Variants in ESR1 observed in about 807,000 individuals in gnomAD.
ESR1 encodes the protein estrogen receptor.
In ESR1, 12 loss-of-function variants were observed where a neutral mutation model predicts 52.7. The observed-to-expected ratio is 0.23, with a 90% CI of 0.15 to 0.37. ESR1 has a LOEUF of 0.37. ESR1 is among the 10% of genes least tolerant of loss of function. The pLI is 1.00. For synonymous variants in ESR1, 305 were observed against 316.8 expected (o/e 0.96, Z 0.39); for missense variants, 584 against 779.7 (o/e 0.75, Z 2.99).
At chr6:151,962,347 T>C (rs2037761965) in intron 4 of ESR1, among the ~76,000 whole-genome samples, 1 of 152,116 alleles carries the variant, frequency 6.6e-6, no homozygotes, top group Admixed American at 6.5e-5. Context: ...GCCATCATAG[T>C]TCTGCCCCCT....
intron 5 of ESR1, among the ~76,000 whole-genome samples, chr6:152,017,954 C>A (rs1319842528): frequency 6.6e-6 from 1 of 152,026 alleles, no homozygotes; most frequent in African/African-American, 2.4e-5. Flanking sequence ...ACTATTCATC[C>A]ATTTGAAAAG....
At chr6:151,802,842 T>G (rs1218876157), upstream of ESR1, among the ~76,000 whole-genome samples, 2 of 151,832 alleles carry the variant, frequency 1.3e-5, no homozygotes, top group African/African-American at 4.8e-5. Context: ...TACAAAAAAA[T>G]TAGCTGGGTG....
intron 2 of ESR1, among the ~76,000 whole-genome samples, chr6:151,707,309 T>C (rs1253963177): frequency 2.0e-5 from 3 of 152,140 alleles, no homozygotes; most frequent in Admixed American, 6.6e-5. Context: ...TTTAGGACAT[T>C]TTCTTTTCAT....
Position 151,834,479 on chromosome 6 carries a change from G to A in ESR1, c.453-8118G>A, listed in dbSNP as rs370645426. On this transcript the variant is annotated intron_variant, in intron 1 of 7. Transcript: ENST00000206249. Reference sequence around the variant, plus strand: ...AACCACACACTGCATGTTCTCACTGGTAAGTGGAAATTGAACAATGAGAAC... The same window carrying A: ...AACCACACACTGCATGTTCTCACTGATAAGTGGAAATTGAACAATGAGAAC... Among the ~76,000 whole-genome samples the A allele has an allele frequency of 5.3e-5, 8 of 152,246 alleles. No individual in the cohort carries two copies. In the East Asian group the frequency reaches 1.2e-3, roughly 22 times the overall value.
At chr6:152,033,160 A>G (rs1361557363) in intron 5 of ESR1, among the ~76,000 whole-genome samples, 1 of 152,190 alleles carries the variant, frequency 6.6e-6, no homozygotes, top group Non-Finnish European at 1.5e-5. Context: ...TTAAAGACTT[A>G]AATGTTAGAT....
chr6:152,098,288 C>T lies in ESR1; in HGVS notation c.1554-444C>T, dbSNP rs373685415. On this transcript the variant is annotated intron_variant, in intron 7 of 7. Coordinates refer to ENST00000206249, the MANE Select transcript of ESR1 (RefSeq NM_000125.4). The surrounding 1 kb of genome is among the most constrained non-coding windows in gnomAD (Gnocchi z 5.1). The stretch of plus-strand genomic sequence containing the variant: ...TGACGTGAGAGATTTAACAATGGAG[C>T]GTCTTGAACTGCTTTACTCATTTAA... 3.0e-4 allele frequency among the ~76,000 whole-genome samples: 46 copies of T among 152,118 alleles called. No individual in the cohort carries two copies. In the South Asian group the frequency reaches 3.3e-3, roughly 11 times the overall value.
At chr6:152,103,978 A>AC (rs1316768418), downstream of ESR1, among the ~76,000 whole-genome samples, 3 of 86,358 alleles carry the variant, frequency 3.5e-5, no homozygotes, top group African/African-American at 4.9e-5. Context: ...TCTTCATTCT[A>AC]CCTTTTTTTT....
chr6:151,930,106 C>T (rs751303765), intron 3 of ESR1, among the ~76,000 whole-genome samples: 1 of 151,806 alleles, frequency 6.6e-6, no homozygotes, highest in Non-Finnish European at 1.5e-5. Context: ...GCCTCAGTCT[C>T]CCGAATAGCT....
chr6:151,853,750 T>C (rs1787317481), intron 2 of ESR1, among the ~76,000 whole-genome samples: 2 of 152,214 alleles, frequency 1.3e-5, no homozygotes, highest in African/African-American at 4.8e-5. Flanking sequence ...TTCTTCATTT[T>C]TTGTTCATCT....
intron 2 of ESR1, among the ~76,000 whole-genome samples, chr6:151,850,291 A>G (rs1457093936): frequency 1.3e-5 from 2 of 150,152 alleles, no homozygotes; most frequent in East Asian, 4.0e-4. Context: ...TATATACTTC[A>G]GTATATGGGC....
chr6:151,763,963 T>C (rs1784847072), intron 2 of ESR1, among the ~76,000 whole-genome samples: 1 of 151,896 alleles, frequency 6.6e-6, no homozygotes, highest in African/African-American at 2.4e-5. Context: ...GTTAGGGGGC[T>C]GGGAAGGGGA....
intron 2 of ESR1, among the ~76,000 whole-genome samples, chr6:151,785,201 A>G (rs1786904275): frequency 6.6e-6 from 1 of 152,232 alleles, no homozygotes; most frequent in Non-Finnish European, 1.5e-5. Flanking sequence ...CAGAAAGTGT[A>G]ATGAGCAGGA....
At chr6:151,686,666 T>C (rs183459267), upstream of ESR1, among the ~76,000 whole-genome samples, 2,397 of 151,396 alleles carry the variant, frequency 0.016, 25 homozygotes, top group Non-Finnish European at 0.019. Flanking sequence ...CCAGCCTGGG[T>C]GACAGAGCAA....
rs938434935 is a variant in ESR1, at chr6:152,099,865, C to G, written c.*899C>G. ...CAGTGGGCACTGTACTTGGATCTTC[C>G]CGGCGTGTGTGTGCCTTACACAGGG... On this transcript the variant is annotated 3_prime_UTR_variant, in exon 8 of 8. Transcript: ENST00000206249. The G allele has an allele frequency of 2.5e-6, 1 of 396,790 alleles. No individual in the cohort carries two copies. Among genetic ancestry groups the G allele is most frequent in the African/African-American group, 2.1e-5 (1 of 48,626 alleles). The allele number at this position is 396,790 out of a possible 1,614,324, so 24.6% of individuals were successfully genotyped here. A position where few individuals can be genotyped will look rare whatever the true frequency, so the allele number is the denominator to read the frequency against.
At chr6:152,003,047 A>C (rs2128749621) in intron 4 of ESR1, among the ~76,000 whole-genome samples, 1 of 152,140 alleles carries the variant, frequency 6.6e-6, no homozygotes, top group Admixed American at 6.6e-5. Flanking sequence ...CAGCTTCTTC[A>C]GAACTCTTCT....
At chr6:151,887,942 A>G (rs1278134986) in intron 3 of ESR1, among the ~76,000 whole-genome samples, 1 of 152,166 alleles carries the variant, frequency 6.6e-6, no homozygotes, top group Non-Finnish European at 1.5e-5. Context: ...TATCAAAGAA[A>G]CTGTCCTTTC....
rs572002042 is a variant in ESR1, at chr6:152,022,053, A to C, written c.1235+10259A>C. 2.0e-5 allele frequency among the ~76,000 whole-genome samples: 3 copies of C among 152,324 alleles called. No individual in the cohort carries two copies. The South Asian group carries it at 6.2e-4, about 32-fold the overall frequency. ...AAACGGACTAATACACTGCATGCTC[A>C]GTATACTCAGGCACTCTGGAAACTA... On this transcript the variant is annotated intron_variant, in intron 5 of 7. Transcript: ENST00000206249.
At chr6:151,989,058 T>C (rs2040777763) in intron 4 of ESR1, among the ~76,000 whole-genome samples, 2 of 152,110 alleles carry the variant, frequency 1.3e-5, no homozygotes. Context: ...ATTCATAAGA[T>C]GAGATTCTTG....
intron 2 of ESR1, among the ~76,000 whole-genome samples, chr6:151,865,482 C>T (rs1414874800): frequency 6.6e-6 from 1 of 152,190 alleles, no homozygotes; most frequent in African/African-American, 2.4e-5. Context: ...CCCAGGATCG[C>T]ATGGAGCTTG....
Sources: gnomAD v4.1 joint callset for allele counts (sites outside exome capture counted in the v4.1 genomes callset) on GRCh38, gnomAD v4.1.1 for gene constraint, Gnocchi (gnomAD v3.1) non-coding constraint, MANE v1.5 for transcripts, NCBI Gene and HGNC (gene_info 2026-07-23, HGNC 2026-07-21) for gene names.